Variants in MAPKAPK5 observed in about 807,000 individuals in gnomAD.
The protein encoded by MAPKAPK5 is MAPK activated protein kinase 5, also known as MAP kinase-activated protein kinase 5.
Under a neutral mutation model 65.1 loss-of-function variants are expected in MAPKAPK5, and 30 were observed. The observed-to-expected ratio is 0.46, with a 90% CI of 0.34 to 0.63. The LOEUF is 0.63. Among genes scored for constraint, MAPKAPK5 ranks in the 20% least tolerant of loss-of-function variants. The pLI is 0.01. For missense variants in MAPKAPK5, 433 were observed against 581.4 expected (o/e 0.74, Z 2.63); for synonymous variants, 179 against 204.6 (o/e 0.87, Z 1.07).
chr12:111,889,951 C>A, intron 12 of MAPKAPK5, 89 bp from the exon 13 acceptor site: 1 of 778,820 alleles, frequency 1.3e-6, no homozygotes. Flanking sequence ...ATTTTTCAAC[C>A]AGTTGGACAT....
chr12:111,880,269 T>A (rs986022683), intron 7 of MAPKAPK5, 178 bp from the exon 8 acceptor site: 2 of 594,650 alleles, frequency 3.4e-6, no homozygotes, highest in Non-Finnish European at 6.0e-6. Context: ...GGCTGATGGA[T>A]AAATTACTGG....
intron 2 of MAPKAPK5, among the ~76,000 whole-genome samples, chr12:111,865,917 T>G (rs937659308): frequency 2.6e-5 from 4 of 151,712 alleles, no homozygotes; most frequent in Non-Finnish European, 4.4e-5. Context: ...AGGCCATTAT[T>G]TTTTCATTGA....
chr12:111,890,237 G>A, intron 13 of MAPKAPK5, 93 bp downstream of exon 13: 1 of 944,098 alleles, frequency 1.1e-6, no homozygotes, highest in Non-Finnish European at 1.6e-6. Context: ...AGCTGCGGCT[G>A]TTTTGAAGTG....
chr12:111,864,150 C>T (rs1728545937), intron 1 of MAPKAPK5, among the ~76,000 whole-genome samples: 1 of 151,908 alleles, frequency 6.6e-6, no homozygotes, highest in Non-Finnish European at 1.5e-5. Context: ...TGGTGTGTGC[C>T]TGTTTTCCTA....
intron 1 of MAPKAPK5, among the ~76,000 whole-genome samples, chr12:111,851,520 T>G (rs2069082228): frequency 6.6e-6 from 1 of 151,788 alleles, no homozygotes. Context: ...GAGATGAGGT[T>G]TCACCATTTT....
At chr12:111,889,049 T>G in intron 12 of MAPKAPK5, 49 bp downstream of exon 12, 3 of 1,542,432 alleles carry the variant, frequency 1.9e-6, no homozygotes, top group Non-Finnish European at 2.6e-6. Context: ...TGAGTGTGTG[T>G]GTGCAGGGGT....
chr12:111,849,893 C>CT (rs59012546), intron 1 of MAPKAPK5, among the ~76,000 whole-genome samples: 58 of 149,460 alleles, frequency 3.9e-4, no homozygotes, highest in African/African-American at 7.8e-4. Flanking sequence ...ATTAAAATAA[C>CT]TTTTTTTTTT....
In MAPKAPK5 at chr12:111,899,817, A is replaced by G; in HGVS notation, c.*6756A>G. 1 of 423,984 alleles carries G rather than the reference A, an allele frequency of 2.4e-6. No individual in the cohort carries two copies. The highest frequency in any genetic ancestry group is 4.9e-6 in the Non-Finnish European group (1 of 204,878). 26.3% of individuals were successfully genotyped at this position (423,984 alleles called of 1,614,324 possible). Reference sequence around the variant, plus strand: ...AAATCTTACAGCATTGAGCCCATGGACTCTTCAAGACGGTTTGAACATGTG... The same window carrying G: ...AAATCTTACAGCATTGAGCCCATGGGCTCTTCAAGACGGTTTGAACATGTG... On this transcript the variant is annotated 3_prime_UTR_variant, in exon 14 of 14. Coordinates refer to ENST00000550735, the MANE Select transcript of MAPKAPK5 (RefSeq NM_003668.4).
At chr12:111,843,835 C>T (rs1453220824) in intron 1 of MAPKAPK5, among the ~76,000 whole-genome samples, 3 of 152,146 alleles carry the variant, frequency 2.0e-5, no homozygotes. Flanking sequence ...GTTTTTGAGA[C>T]GGAGTCTCAC....
At chr12:111,886,983 A>G (rs138798900) in intron 10 of MAPKAPK5, among the ~76,000 whole-genome samples, 1 of 152,230 alleles carries the variant, frequency 6.6e-6, no homozygotes, top group Non-Finnish European at 1.5e-5. Context: ...CAGTTGTGGC[A>G]TATCTGGTGA....
At chr12:111,881,176 C>T (rs2070196695) in intron 8 of MAPKAPK5, among the ~76,000 whole-genome samples, 1 of 151,840 alleles carries the variant, frequency 6.6e-6, no homozygotes, top group Admixed American at 6.6e-5. Flanking sequence ...TGTGCTCAAA[C>T]GATTCTCCTG....
chr12:111,888,588 A>AC lies in MAPKAPK5; in HGVS notation c.1074dup (p.Ile359HisfsTer22), dbSNP rs1375641961. On this transcript the variant is annotated frameshift_variant, in exon 11 of 14. Coordinates refer to ENST00000550735, the MANE Select transcript of MAPKAPK5 (RefSeq NM_003668.4). LOFTEE classifies it high-confidence loss of function. ...CTCAAACCCCTGCACTCAGTGAACAACCCCATTCTGCGGAAGAGGAAGTTA... is the reference window on the plus strand; with the variant it reads ...CTCAAACCCCTGCACTCAGTGAACAACCCCCATTCTGCGGAAGAGGAAGTTA... 2 of 1,613,746 alleles carry AC rather than the reference A, an allele frequency of 1.2e-6. No homozygotes were observed.
rs527848358 is a variant in MAPKAPK5 at position 111,850,752 on chromosome 12, C to T, written c.36+7983C>T. 1.1e-4 allele frequency among the ~76,000 whole-genome samples: 16 copies of T among 152,240 alleles called. No individual in the cohort carries two copies. In the South Asian group the frequency reaches 2.5e-3, roughly 24 times the overall value. On this transcript the variant is annotated intron_variant, in intron 1 of 13. Transcript: ENST00000550735. Reference sequence around the variant, plus strand: ...AGGCAGGAAGAGCTAGGTTAACTGCCGTTTTGTGTAAACACAGTCAAGTTT... The same window carrying T: ...AGGCAGGAAGAGCTAGGTTAACTGCTGTTTTGTGTAAACACAGTCAAGTTT...
chr12:111,900,759 C>T lies in MAPKAPK5; in HGVS notation c.*7698C>T, dbSNP rs1312499797. The T allele has an allele frequency of 2.2e-6, 1 of 456,096 alleles. No individual in the cohort carries two copies. The highest frequency in any genetic ancestry group is 1.5e-5 in the South Asian group (1 of 64,562). The allele number at this position is 456,096 out of a possible 1,614,324, so 28.3% of individuals were successfully genotyped here. On this transcript the variant is annotated 3_prime_UTR_variant, in exon 14 of 14. Transcript: ENST00000550735. ...CTGTCCTTCTAGTCGTTCCTGTGAT[C>T]TCCCAGAATTTTGCAATGGTACATC...
intron 7 of MAPKAPK5, among the ~76,000 whole-genome samples, chr12:111,877,688 T>C (rs967528174): frequency 3.9e-5 from 6 of 152,146 alleles, no homozygotes; most frequent in African/African-American, 1.4e-4. Flanking sequence ...ATTCCTTTCT[T>C]TTTTTTGTTG....
chr12:111,842,444 C>T lies in MAPKAPK5; in HGVS notation c.-290C>T. 3.7e-6 allele frequency: 1 copy of T among 273,936 alleles called. No individual in the cohort carries two copies. 17.0% of individuals were successfully genotyped at this position (273,936 alleles called of 1,614,324 possible). A position where few individuals can be genotyped will look rare whatever the true frequency, so the allele number is the denominator to read the frequency against. On this transcript the variant is annotated 5_prime_UTR_variant, in exon 1 of 14. Coordinates refer to ENST00000550735, the MANE Select transcript of MAPKAPK5 (RefSeq NM_003668.4). ...CCCCGCCTCGCCCTACCCCAGGAGC[C>T]TGCCTCCCCAGCTGGGGATGAGGCT...
chr12:111,898,279 C>G lies in MAPKAPK5; in HGVS notation c.*5218C>G, dbSNP rs1271915922. The G allele has an allele frequency of 6.6e-6, 1 of 151,940 alleles. No individual in the cohort carries two copies. Among genetic ancestry groups the G allele is most frequent in the African/African-American group, 2.4e-5 (1 of 41,314 alleles). 9.4% of individuals were successfully genotyped at this position (151,940 alleles called of 1,614,324 possible). On this transcript the variant is annotated 3_prime_UTR_variant, in exon 14 of 14. Transcript: ENST00000550735. ...CGCCTCCTGGGTTCAAGCGATTCTC[C>G]TGCCTCACCTTCCTGAGTAGCTGAG...
At chr12:111,875,478 C>T (rs1593164334) in intron 7 of MAPKAPK5, among the ~76,000 whole-genome samples, 1 of 152,156 alleles carries the variant, frequency 6.6e-6, no homozygotes, top group African/African-American at 2.4e-5. Context: ...GGGGATCTCT[C>T]TTTACAGTCT....
chr12:111,848,074 A>G (rs1262440178), intron 1 of MAPKAPK5, among the ~76,000 whole-genome samples: 2 of 152,172 alleles, frequency 1.3e-5, no homozygotes, highest in Non-Finnish European at 2.9e-5. Context: ...GAATATATGT[A>G]TTCATTTCTT....
Sources: allele counts gnomAD v4.1 joint callset (sites outside exome capture counted in the v4.1 genomes callset), GRCh38; gene constraint gnomAD v4.1.1; transcripts MANE v1.5; gene names NCBI Gene and HGNC (gene_info 2026-07-23, HGNC 2026-07-21).